CACNA2D3: variants seen among roughly 807,000 people sequenced by gnomAD.
CACNA2D3 encodes the protein voltage-dependent calcium channel subunit alpha-2/delta-3.
CACNA2D3 carries 60 observed loss-of-function variants against 160.6 expected under a neutral mutation model. The observed-to-expected ratio is 0.37, with a 90% CI of 0.30 to 0.46. The LOEUF (loss-of-function observed/expected upper bound fraction) is 0.46, where lower values mean the gene tolerates loss of function less well. Among genes scored for constraint, CACNA2D3 ranks in the 20% least tolerant of loss-of-function variants. The probability of loss-of-function intolerance (pLI) is 1.00; values close to 1 mark genes in which losing one functional copy is unlikely to be tolerated. For synonymous variants in CACNA2D3, 558 were observed against 492.9 expected, an observed-to-expected ratio of 1.13 and a Z score of -1.75; for missense variants, 1,205 against 1,365.0, an observed-to-expected ratio of 0.88 and a Z score of 1.85.
chr3:54,994,573 C>T (rs1400022204), intron 31 of CACNA2D3, among the ~76,000 whole-genome samples: 1 of 152,204 alleles, frequency 6.6e-6, no homozygotes, highest in Non-Finnish European at 1.5e-5. Flanking sequence ...TCCCCAGTTA[C>T]AGCAATAACA....
chr3:54,671,599 C>T (rs1700162834), intron 11 of CACNA2D3, among the ~76,000 whole-genome samples: 1 of 152,110 alleles, frequency 6.6e-6, no homozygotes, highest in Admixed American at 6.5e-5. Flanking sequence ...CAGTGTTTCC[C>T]CCAGCAGATG....
intron 17 of CACNA2D3, among the ~76,000 whole-genome samples, chr3:54,855,463 A>G (rs960082484): frequency 6.6e-6 from 1 of 152,028 alleles, no homozygotes; most frequent in African/African-American, 2.4e-5. Context: ...CATGTATACC[A>G]CGTGCTTCCT....
At chr3:54,627,918 T>C in intron 10 of CACNA2D3, 42 bp downstream of exon 10, 2 of 1,306,200 alleles carry the variant, frequency 1.5e-6, no homozygotes, top group Admixed American at 3.8e-5. Flanking sequence ...CCTTGGAGAA[T>C]AGATGGGTGT....
At chr3:54,220,961 C>T (rs1257487987) in intron 2 of CACNA2D3, among the ~76,000 whole-genome samples, 6 of 152,234 alleles carry the variant, frequency 3.9e-5, no homozygotes, top group South Asian at 2.1e-4. Flanking sequence ...AATTTGCCTA[C>T]GAGGCCTTGG....
intron 2 of CACNA2D3, among the ~76,000 whole-genome samples, chr3:54,306,982 G>A (rs1019329445): frequency 6.6e-6 from 1 of 152,072 alleles, no homozygotes; most frequent in Non-Finnish European, 1.5e-5. Context: ...CCGCCCTGCC[G>A]ACACAAAGAT....
At chr3:54,534,133 G>A (rs1701849234) in intron 5 of CACNA2D3, among the ~76,000 whole-genome samples, 1 of 152,020 alleles carries the variant, frequency 6.6e-6, no homozygotes, top group Admixed American at 6.6e-5. Flanking sequence ...GTCTTCTCTC[G>A]CCTGGCTGGC....
intron 3 of CACNA2D3, among the ~76,000 whole-genome samples, chr3:54,350,966 C>CGGTTTTTTT (rs1559457706): frequency 4.7e-5 from 3 of 63,286 alleles, no homozygotes; most frequent in Admixed American, 2.0e-4. Flanking sequence ...GATCTTGAGT[C>CGGTTTTTTT]TGTTTTTTTT....
chr3:54,914,669 T>C (rs1448991023), intron 27 of CACNA2D3, among the ~76,000 whole-genome samples: 1 of 152,118 alleles, frequency 6.6e-6, no homozygotes, highest in Non-Finnish European at 1.5e-5. Flanking sequence ...GGGGTAGGGG[T>C]TTCTTTGAGA....
intron 2 of CACNA2D3, among the ~76,000 whole-genome samples, chr3:54,252,004 T>C (rs1270562811): frequency 6.6e-6 from 1 of 152,110 alleles, no homozygotes; most frequent in African/African-American, 2.4e-5. Context: ...CATGCAGTAA[T>C]CTTTTTTTTA....
rs368208562 is a variant in CACNA2D3, at chr3:54,290,157, T to C, written c.205-30285T>C. Among the ~76,000 whole-genome samples the C allele has an allele frequency of 1.6e-3, 248 of 151,936 alleles. 1 individual carries two copies. The East Asian group carries it at 0.018, about 11-fold the overall frequency. ...TGGGAGAAAATTTTCGCAACCTACT[T>C]ATCTGACAAAGGGCTAATATCCAGA... On this transcript the variant is annotated intron_variant, in intron 2 of 37. Coordinates refer to ENST00000474759, the MANE Select transcript of CACNA2D3 (RefSeq NM_018398.3).
intron 11 of CACNA2D3, among the ~76,000 whole-genome samples, chr3:54,681,373 C>G (rs1700346193): frequency 3.0e-5 from 1 of 32,930 alleles, no homozygotes; most frequent in Non-Finnish European, 5.5e-5. Context: ...CCCATCTCTA[C>G]TAAAAATACA....
intron 35 of CACNA2D3, among the ~76,000 whole-genome samples, chr3:55,045,504 C>T (rs903412761): frequency 6.6e-6 from 1 of 152,132 alleles, no homozygotes; most frequent in Non-Finnish European, 1.5e-5. Context: ...TAGTAGAATT[C>T]CCCAGTGAAG....
intron 5 of CACNA2D3, among the ~76,000 whole-genome samples, chr3:54,536,218 A>T (rs1701887204): frequency 6.6e-6 from 1 of 152,176 alleles, no homozygotes; most frequent in African/African-American, 2.4e-5. Flanking sequence ...CATACACGAA[A>T]CAGGTCATTA....
At chr3:54,367,660 C>A in intron 3 of CACNA2D3, 1 of 260,266 alleles carries the variant, frequency 3.8e-6, no homozygotes, top group Non-Finnish European at 8.0e-6. Flanking sequence ...TAACTTAGTG[C>A]CCAGTAGAGC....
intron 11 of CACNA2D3, among the ~76,000 whole-genome samples, chr3:54,692,329 C>T (rs1487771913): frequency 6.6e-6 from 1 of 152,164 alleles, no homozygotes; most frequent in African/African-American, 2.4e-5. Flanking sequence ...CTTCCCTCCA[C>T]TAAGAATTCC....
At chr3:54,931,344 C>T (rs1043519493) in intron 27 of CACNA2D3, among the ~76,000 whole-genome samples, 2 of 152,182 alleles carry the variant, frequency 1.3e-5, no homozygotes, top group African/African-American at 4.8e-5. Flanking sequence ...GGACTGCCCG[C>T]CCCGGACACT....
intron 18 of CACNA2D3, among the ~76,000 whole-genome samples, chr3:54,871,867 C>T (rs1434155725): frequency 6.6e-6 from 1 of 152,242 alleles, no homozygotes; most frequent in Non-Finnish European, 1.5e-5. Flanking sequence ...AACCATCCCC[C>T]TGCGGACGCT....
intron 4 of CACNA2D3, among the ~76,000 whole-genome samples, chr3:54,398,269 C>T (rs914027730): frequency 4.2e-4 from 52 of 123,858 alleles, no homozygotes; most frequent in African/African-American, 1.3e-3. Flanking sequence ...GACTCTTTAT[C>T]CAACTTCCCA....
intron 2 of CACNA2D3, among the ~76,000 whole-genome samples, chr3:54,287,415 G>T (rs980255087): frequency 1.3e-5 from 2 of 151,432 alleles, no homozygotes; most frequent in African/African-American, 2.4e-5. Context: ...GGAGCACCCA[G>T]ATTCATAAAG....
Sources: gnomAD v4.1 joint callset for allele counts (sites outside exome capture counted in the v4.1 genomes callset) on GRCh38, gnomAD v4.1.1 for gene constraint, MANE v1.5 for transcripts, NCBI Gene and HGNC (gene_info 2026-07-23, HGNC 2026-07-21) for gene names.